The following ZIC4 variants were observed in gnomAD, a reference collection of about 807,000 sequenced individuals.
The protein encoded by ZIC4 is Zic family zinc finger 4.
Under a neutral mutation model 28.8 loss-of-function variants are expected in ZIC4, and 15 were observed. The ratio of observed to expected loss-of-function variants is 0.52; its 90% CI spans 0.35 to 0.80. The LOEUF (loss-of-function observed/expected upper bound fraction) is 0.80, where lower values mean the gene tolerates loss of function less well. ZIC4 is among the 30% of genes least tolerant of loss of function. ZIC4 has a pLI of 0.01. For synonymous variants in ZIC4, 220 were observed against 198.1 expected, an observed-to-expected ratio of 1.11 and a Z score of -0.93; for missense variants, 512 against 467.1, an observed-to-expected ratio of 1.10 and a Z score of -0.89.
In ZIC4 at chr3:147,396,636, C is replaced by T. The variant is rs2087051150; in HGVS notation, c.71-167G>A. ...AGTGAACCCGGTGGACAGAGCAAGG[C>T]CAAACACCTCCGCCGCCATTGGGCC... On this transcript the variant is annotated intron_variant, in intron 2 of 4. Transcript: ENST00000383075. This position sits in a 1 kb window ranked among gnomAD's most constrained non-coding sequence, Gnocchi z 4.2. 8.5e-6 allele frequency: 7 copies of T among 819,734 alleles called. No individual in the cohort carries two copies. The highest frequency in any genetic ancestry group is 1.0e-5 in the Non-Finnish European group (6 of 574,808). 50.8% of individuals were successfully genotyped at this position (819,734 alleles called of 1,614,324 possible).
rs182488952 is a variant in ZIC4, at chr3:147,405,585, G to T, written c.-16+778C>A. ...CCAATGCCCCTGGGTCTAGGCTAGG[G>T]GCCAGAATCCTAGGAGCTGCGGCCT... On this transcript the variant is annotated intron_variant, in intron 1 of 4. Coordinates refer to ENST00000383075, the MANE Select transcript of ZIC4 (RefSeq NM_032153.6). The T allele has an allele frequency of 1.8e-5, 20 of 1,111,620 alleles. No homozygotes were observed. The African/African-American group carries it at 2.5e-4, about 14-fold the overall frequency. The allele number at this position is 1,111,620 out of a possible 1,614,324, so 68.9% of individuals were successfully genotyped here.
intron 2 of ZIC4, among the ~76,000 whole-genome samples, chr3:147,399,918 G>A (rs1303258957): frequency 1.3e-5 from 2 of 152,004 alleles, no homozygotes; most frequent in African/African-American, 2.4e-5. Context: ...TGCCCACTTC[G>A]GCCTCCCACA....
At chr3:147,393,802 GGTGGC>G in intron 3 of ZIC4, 1 of 447,782 alleles carries the variant, frequency 2.2e-6, no homozygotes, top group South Asian at 1.6e-5. Context: ...AGAGGAGCTG[GGTGGC>G]GGTGGCCAGG....
rs2087052732 is a variant in ZIC4 at position 147,396,682 on chromosome 3, C to T, written c.71-213G>A. 1.9e-6 allele frequency: 1 copy of T among 527,656 alleles called. No homozygotes were observed. The highest frequency in any genetic ancestry group is 3.8e-5 in the Admixed American group (1 of 26,478). The allele number at this position is 527,656 out of a possible 1,614,324, so 32.7% of individuals were successfully genotyped here. A position where few individuals can be genotyped will look rare whatever the true frequency, so the allele number is the denominator to read the frequency against. On this transcript the variant is annotated intron_variant, in intron 2 of 4. Transcript: ENST00000383075. The surrounding 1 kb of genome is among the most constrained non-coding windows in gnomAD (Gnocchi z 4.2). The stretch of plus-strand genomic sequence containing the variant: ...GGGCCGAATTGCTGTTGGGCCAAGT[C>T]CCCCGCCGCGCCATGAGCTAGAGAG...
chr3:147,397,060 C>CA (rs944602095), intron 2 of ZIC4: 8 of 152,048 alleles, frequency 5.3e-5, no homozygotes, highest in Non-Finnish European at 7.4e-5. Context: ...GAAAACCACA[C>CA]AAAAAAACTT....
At position 147,386,801 on chromosome 3, in the gene ZIC4, G is replaced by A. The variant is rs2086804921; in HGVS notation, c.*2058C>T. ...ATTGCCAAGATTCTGAAGGAAACAGGAAATTAATAAAATATCTCTCTCCTT... is the reference window on the plus strand; with the variant it reads ...ATTGCCAAGATTCTGAAGGAAACAGAAAATTAATAAAATATCTCTCTCCTT... On this transcript the variant is annotated 3_prime_UTR_variant, in exon 5 of 5. Transcript: ENST00000383075. 6.6e-6 allele frequency: 1 copy of A among 152,194 alleles called. No individual in the cohort carries two copies. Among genetic ancestry groups the A allele is most frequent in the Non-Finnish European group, 1.5e-5 (1 of 68,042 alleles). 9.4% of individuals were successfully genotyped at this position (152,194 alleles called of 1,614,324 possible).
chr3:147,404,310 C>A, intron 1 of ZIC4: 1 of 1,382,194 alleles, frequency 7.2e-7, no homozygotes, highest in Non-Finnish European at 9.4e-7. Flanking sequence ...GCCTTTTGTG[C>A]ACTACAGACC....
intron 4 of ZIC4, among the ~76,000 whole-genome samples, chr3:147,390,609 G>A (rs2086891793): frequency 6.6e-6 from 1 of 152,126 alleles, no homozygotes; most frequent in Admixed American, 6.5e-5. Flanking sequence ...AGGCGCGTGT[G>A]GGGGTGATGG....
chr3:147,405,430 A>G, intron 1 of ZIC4: 1 of 1,537,184 alleles, frequency 6.5e-7, no homozygotes, highest in South Asian at 1.2e-5. Context: ...AACCCTCCAA[A>G]AGCCCCTCCG....
At position 147,388,841 on chromosome 3, in the gene ZIC4, C is replaced by T. The variant is rs1173387846; in HGVS notation, c.*18G>A. 2.6e-6 allele frequency: 2 copies of T among 779,778 alleles called. No individual in the cohort carries two copies. Among genetic ancestry groups the T allele is most frequent in the African/African-American group, 3.4e-5 (2 of 59,200 alleles). The allele number at this position is 779,778 out of a possible 1,614,324, so 48.3% of individuals were successfully genotyped here. A position where few individuals can be genotyped will look rare whatever the true frequency, so the allele number is the denominator to read the frequency against. The stretch of plus-strand genomic sequence containing the variant: ...AGCTGCGCGGAGCGAGATTACCTTG[C>T]GAGCAACGCGGTGGACATCTGTAAC... On this transcript the variant is annotated 3_prime_UTR_variant, in exon 5 of 5. Transcript: ENST00000383075.
At chr3:147,402,875 A>G in intron 1 of ZIC4, 63 bp from the exon 2 acceptor site, 2 of 1,390,258 alleles carry the variant, frequency 1.4e-6, no homozygotes, top group Non-Finnish European at 1.0e-6. Context: ...GTGTGGCAAC[A>G]TCCTGTGGTT....
chr3:147,391,397 C>T (rs2086915009), intron 3 of ZIC4, 151 bp from the exon 4 acceptor site: 2 of 1,041,076 alleles, frequency 1.9e-6, no homozygotes, highest in African/African-American at 3.2e-5. Flanking sequence ...TCGAGCACCC[C>T]TTTCCCTCGT....
intron 3 of ZIC4, chr3:147,392,629 T>C (rs992587364): frequency 6.7e-5 from 12 of 178,836 alleles, no homozygotes; most frequent in Admixed American, 1.3e-4. Flanking sequence ...TGGAGAACTG[T>C]TGCCTTTGTA....
At chr3:147,390,027 C>A (rs376608296) in intron 4 of ZIC4, among the ~76,000 whole-genome samples, 1 of 152,106 alleles carries the variant, frequency 6.6e-6, no homozygotes, top group African/African-American at 2.4e-5. Flanking sequence ...AATCCTGAAG[C>A]CTCTCTGGTG....
At chr3:147,389,399 T>C (rs75273146) in intron 4 of ZIC4, 6,905 of 152,888 alleles carry the variant, frequency 0.045, 221 homozygotes, top group Non-Finnish European at 0.067. Context: ...GATTTTAAAA[T>C]TGAGGTCTTT....
intron 3 of ZIC4, among the ~76,000 whole-genome samples, 181 bp downstream of exon 3, chr3:147,395,671 G>A (rs2087023396): frequency 6.6e-6 from 1 of 152,116 alleles, no homozygotes; most frequent in African/African-American, 2.4e-5. Context: ...CCTACACACA[G>A]CCTCCGGAAA....
intron 2 of ZIC4, among the ~76,000 whole-genome samples, chr3:147,397,398 A>C (rs2087073496): frequency 6.8e-6 from 1 of 146,952 alleles, no homozygotes; most frequent in African/African-American, 2.5e-5. Flanking sequence ...CCAAACATAT[A>C]CCCTCTTTCC....
rs149622904 is a variant in ZIC4, at chr3:147,404,640, C to T, written c.-16+1723G>A. Among the ~76,000 whole-genome samples, 1,072 of 152,308 alleles carry T rather than the reference C, an allele frequency of 7.0e-3. 14 individuals carry two copies. Among genetic ancestry groups the T allele is most frequent in the African/African-American group, 0.024 (1,017 of 41,552 alleles). ...TCCTAATTACCAGTCCATAGCACAT[C>T]CTGGAGACTTTTTGGAATCTGCCCT... On this transcript the variant is annotated intron_variant, in intron 1 of 4. Transcript: ENST00000383075.
At chr3:147,400,567 A>G (rs2087144210) in intron 2 of ZIC4, among the ~76,000 whole-genome samples, 1 of 152,196 alleles carries the variant, frequency 6.6e-6, no homozygotes, top group Non-Finnish European at 1.5e-5. Flanking sequence ...TTAGAGCTAT[A>G]TGGTCTATAT....
Sources: allele counts gnomAD v4.1 joint callset (sites outside exome capture counted in the v4.1 genomes callset), GRCh38; gene constraint gnomAD v4.1.1; non-coding constraint Gnocchi (gnomAD v3.1); transcripts MANE v1.5; gene names NCBI Gene and HGNC (gene_info 2026-07-23, HGNC 2026-07-21).